PCDHGA1: variants seen among roughly 807,000 people sequenced by gnomAD.
PCDHGA1 encodes protocadherin gamma subfamily A, 1, also known as protocadherin gamma-A1.
PCDHGA1 carries 32 observed loss-of-function variants against 58.0 expected under a neutral mutation model. The observed-to-expected ratio is 0.55, with a 90% CI of 0.42 to 0.74. PCDHGA1 has a LOEUF of 0.74. Ranked by LOEUF, PCDHGA1 falls within the 30% of genes least tolerant of loss-of-function variation. The pLI is 0.00. For missense variants in PCDHGA1, 1,205 were observed against 1,182.3 expected (o/e 1.02, Z -0.28); for synonymous variants, 498 against 501.1 (o/e 0.99, Z 0.08).
Position 141,344,905 on chromosome 5 carries a change from T to C in PCDHGA1, c.2421+11800T>C, listed in dbSNP as rs766713915. 4 of 1,613,780 alleles carry C rather than the reference T, an allele frequency of 2.5e-6. No individual in the cohort carries two copies. The highest frequency in any genetic ancestry group is 3.3e-5 in the Admixed American group (2 of 60,008). ...AAAATGCCTGGGAAAATCGCTGAGA[T>C]TTTCCATCTTAACTCAGTGAGTGGA... On this transcript the variant is annotated intron_variant, in intron 1 of 3. Coordinates refer to ENST00000517417, the MANE Select transcript of PCDHGA1 (RefSeq NM_018912.3).
chr5:141,350,936 T>C (rs1561498833), intron 1 of PCDHGA1: 2 of 1,614,102 alleles, frequency 1.2e-6, no homozygotes, highest in Non-Finnish European at 1.7e-6. Context: ...CACCCATATC[T>C]GGATCCGAGT....
At chr5:141,370,566 G>A (rs1435194391) in intron 1 of PCDHGA1, 3 of 1,613,936 alleles carry the variant, frequency 1.9e-6, no homozygotes, top group Non-Finnish European at 2.5e-6. Flanking sequence ...GGGGTTTGGC[G>A]TGGGGGATTT....
rs1399367534 is a variant in PCDHGA1 at position 141,487,098 on chromosome 5, A to G, written c.2422-7709A>G. 6.2e-7 allele frequency: 1 copy of G among 1,613,778 alleles called. No homozygotes were observed. The highest frequency in any genetic ancestry group is 8.5e-7 in the Non-Finnish European group (1 of 1,179,788). On this transcript the variant is annotated intron_variant, in intron 1 of 3. Transcript: ENST00000517417. The surrounding 1 kb of genome is among the most constrained non-coding windows in gnomAD (Gnocchi z 5.0). ...ATCCCAGCTGACCTCCCACCACAGA[A>G]GCTGGTCATTGTGGTAAAGGATAGT...
intron 1 of PCDHGA1, among the ~76,000 whole-genome samples, chr5:141,452,137 GT>G (rs2098734666): frequency 6.6e-6 from 1 of 152,044 alleles, no homozygotes; most frequent in Non-Finnish European, 1.5e-5. Flanking sequence ...TGGCTCATGT[GT>G]TTTTTCCAAT....
chr5:141,421,161 T>C (rs2096550274), intron 1 of PCDHGA1: 7 of 1,259,920 alleles, frequency 5.6e-6, no homozygotes, highest in Non-Finnish European at 7.5e-6. Flanking sequence ...TAGGACTTCA[T>C]AGATACATAA....
chr5:141,437,371 A>C (rs887976412), intron 1 of PCDHGA1, among the ~76,000 whole-genome samples: 1 of 152,262 alleles, frequency 6.6e-6, no homozygotes, highest in African/African-American at 2.4e-5. Context: ...GAATGTAATC[A>C]GTCAGAAGAC....
chr5:141,370,451 C>A, intron 1 of PCDHGA1: 1 of 1,611,138 alleles, frequency 6.2e-7, no homozygotes, highest in Non-Finnish European at 8.5e-7. Flanking sequence ...TGCTATTTCT[C>A]TTCCTGCTCT....
intron 1 of PCDHGA1, chr5:141,341,801 A>T: frequency 3.4e-6 from 1 of 290,738 alleles, no homozygotes; most frequent in Non-Finnish European, 6.4e-6. Flanking sequence ...TATGACTCTT[A>T]CTCTATATTT....
intron 1 of PCDHGA1, chr5:141,391,390 C>G (rs1268177633): frequency 6.6e-6 from 1 of 151,476 alleles, no homozygotes; most frequent in Non-Finnish European, 1.5e-5. Context: ...ATAGCTCCCT[C>G]CAGCCTCAAA....
At chr5:141,359,864 AAAG>A (rs1223806180) in intron 1 of PCDHGA1, among the ~76,000 whole-genome samples, 1 of 152,206 alleles carries the variant, frequency 6.6e-6, no homozygotes, top group African/African-American at 2.4e-5. Flanking sequence ...TTAAAAAAGA[AAAG>A]AAAAGAAAAA....
Position 141,489,427 on chromosome 5 carries a change from C to A in PCDHGA1, c.2422-5380C>A. ...AAAGATGACAGATCTGTTGAGCCGG[C>A]GGCTGCAATTGGGCTCTGAGGAGAA... On this transcript the variant is annotated intron_variant, in intron 1 of 3. Coordinates refer to ENST00000517417, the MANE Select transcript of PCDHGA1 (RefSeq NM_018912.3). This position sits in a 1 kb window ranked among gnomAD's most constrained non-coding sequence, Gnocchi z 4.5. The A allele has an allele frequency of 6.2e-7, 1 of 1,614,108 alleles. No individual in the cohort carries two copies. The highest frequency in any genetic ancestry group is 1.1e-5 in the South Asian group (1 of 91,086).
chr5:141,340,882 G>A (rs763228700), intron 1 of PCDHGA1: 1 of 1,613,636 alleles, frequency 6.2e-7, no homozygotes, highest in Non-Finnish European at 8.5e-7. Context: ...ACAGAGACGC[G>A]CTCAAGCAGA....
intron 1 of PCDHGA1, among the ~76,000 whole-genome samples, chr5:141,343,603 T>A (rs915852383): frequency 2.0e-5 from 3 of 152,180 alleles, no homozygotes; most frequent in African/African-American, 7.2e-5. Flanking sequence ...GGCATTAAGG[T>A]TAGTGCATGG....
chr5:141,371,213 C>A, intron 1 of PCDHGA1: 1 of 1,614,002 alleles, frequency 6.2e-7, no homozygotes, highest in Non-Finnish European at 8.5e-7. Flanking sequence ...ATGAGGGCAT[C>A]AATGCCGAAA....
At chr5:141,398,980 G>T in intron 1 of PCDHGA1, 1 of 1,613,860 alleles carries the variant, frequency 6.2e-7, no homozygotes, top group Non-Finnish European at 8.5e-7. Context: ...CTACAGAACC[G>T]GGCAAATCTT....
chr5:141,338,942 T>A, intron 1 of PCDHGA1: 1 of 1,523,038 alleles, frequency 6.6e-7, no homozygotes, highest in South Asian at 1.3e-5. Flanking sequence ...TGCTGGAAGT[T>A]GACTCGGAGA....
intron 1 of PCDHGA1, chr5:141,372,312 C>T: frequency 6.2e-7 from 1 of 1,613,550 alleles, no homozygotes; most frequent in Non-Finnish European, 8.5e-7. Context: ...GGCCGCCCGC[C>T]AGCGCCTGCT....
rs766916840 is a variant in PCDHGA1 at position 141,344,984 on chromosome 5, T to G, written c.2421+11879T>G. The G allele has an allele frequency of 7.4e-6, 12 of 1,613,932 alleles. No individual in the cohort carries two copies. The highest frequency in any genetic ancestry group is 1.0e-5 in the Non-Finnish European group (12 of 1,179,834). ...ATGAGGATGCCATGTTCTATGAAATTAAAATTGAAGCACAGGATGGACCAG... is the reference window on the plus strand; with the variant it reads ...ATGAGGATGCCATGTTCTATGAAATGAAAATTGAAGCACAGGATGGACCAG... On this transcript the variant is annotated intron_variant, in intron 1 of 3. Transcript: ENST00000517417.
chr5:141,502,667 T>G (rs2099815574), intron 2 of PCDHGA1, among the ~76,000 whole-genome samples: 1 of 152,236 alleles, frequency 6.6e-6, no homozygotes. Context: ...TTCATGCAAT[T>G]TTAGTATTCC....
Sources: allele counts gnomAD v4.1 joint callset (sites outside exome capture counted in the v4.1 genomes callset), GRCh38; gene constraint gnomAD v4.1.1; non-coding constraint Gnocchi (gnomAD v3.1); transcripts MANE v1.5; gene names NCBI Gene and HGNC (gene_info 2026-07-23, HGNC 2026-07-21).